AMN1: variants seen among roughly 807,000 people sequenced by gnomAD.
AMN1 encodes the protein protein AMN1 homolog.
Under a neutral mutation model 33.0 loss-of-function variants are expected in AMN1, and 20 were observed. That is an observed-to-expected ratio of 0.61 (90% CI 0.43 to 0.88). The LOEUF is 0.88. Ranked by LOEUF, AMN1 falls within the 40% of genes least tolerant of loss-of-function variation. The pLI is 0.00. For missense variants in AMN1, 246 were observed against 307.4 expected (o/e 0.80, Z 1.49); for synonymous variants, 114 against 111.9 (o/e 1.02, Z -0.12).
At chr12:31,672,556 A>G in intron 6 of AMN1, 179 bp from the exon 7 acceptor site, 4 of 549,176 alleles carry the variant, frequency 7.3e-6, no homozygotes, top group Non-Finnish European at 1.3e-5. Flanking sequence ...AGCCCTCACT[A>G]TTATTAGGTG....
At chr12:31,698,088 G>T in intron 3 of AMN1, 131 bp from the exon 4 acceptor site, 1 of 781,358 alleles carries the variant, frequency 1.3e-6, no homozygotes, top group Non-Finnish European at 2.0e-6. Context: ...CACCTGTGAG[G>T]AAATACTGAT....
rs1440124128 is a variant in AMN1, at chr12:31,681,516, AC to A, written c.703+7490del. Among the ~76,000 whole-genome samples, 6 of 152,288 alleles carry A rather than the reference AC, an allele frequency of 3.9e-5. No homozygotes were observed. The South Asian group carries it at 1.2e-3, about 32-fold the overall frequency. On this transcript the variant is annotated intron_variant, in intron 6 of 6. Transcript: ENST00000281471. ...AGTTCTGGGATTACAGGCGTGAGCC[AC>A]CATGCCCGGCCTCTTGCATTATTAT...
chr12:31,704,489 T>C (rs1939138151), intron 2 of AMN1, among the ~76,000 whole-genome samples: 1 of 137,974 alleles, frequency 7.2e-6, no homozygotes. Context: ...AGTTTTTGAC[T>C]TTGTTTCTTT....
chr12:31,722,856 T>A (rs1040973012), intron 1 of AMN1, among the ~76,000 whole-genome samples: 9 of 152,100 alleles, frequency 5.9e-5, no homozygotes, highest in Non-Finnish European at 2.9e-5. Context: ...AGCTGCTAGT[T>A]TTCAGAAATC....
chr12:31,713,865 A>T (rs550183923), intron 1 of AMN1, among the ~76,000 whole-genome samples: 17 of 151,922 alleles, frequency 1.1e-4, no homozygotes, highest in African/African-American at 3.4e-4. Context: ...GAAAAAAAAA[A>T]TTTTCTGATA....
intron 2 of AMN1, among the ~76,000 whole-genome samples, chr12:31,708,141 C>T (rs897091598): frequency 5.9e-5 from 9 of 152,080 alleles, no homozygotes; most frequent in Non-Finnish European, 8.8e-5. Context: ...TGACTGCCTG[C>T]GGGGTCAGGC....
intron 1 of AMN1, among the ~76,000 whole-genome samples, chr12:31,722,444 T>A (rs1362226258): frequency 6.6e-6 from 1 of 152,116 alleles, no homozygotes; most frequent in Admixed American, 6.6e-5. Context: ...AACGGACTTT[T>A]AAAAAATCCA....
chr12:31,705,018 C>T (rs1007416915), intron 2 of AMN1, among the ~76,000 whole-genome samples: 1 of 152,096 alleles, frequency 6.6e-6, no homozygotes, highest in African/African-American at 2.4e-5. Context: ...ACAATAAGAA[C>T]GTGGAGATAT....
chr12:31,715,612 T>C (rs1334690030), intron 1 of AMN1: 1 of 157,432 alleles, frequency 6.4e-6, no homozygotes, highest in African/African-American at 2.4e-5. Flanking sequence ...GTCTTTCTTC[T>C]GAAGCTTCTG....
intron 4 of AMN1, 91 bp from the exon 5 acceptor site, chr12:31,697,508 A>G: frequency 7.9e-7 from 1 of 1,266,136 alleles, no homozygotes; most frequent in Non-Finnish European, 1.1e-6. Context: ...ATATAGTCTT[A>G]ATGCCTCCCA....
intron 6 of AMN1, among the ~76,000 whole-genome samples, chr12:31,686,427 AGAGT>A (rs1938264761): frequency 6.6e-6 from 1 of 152,256 alleles, no homozygotes; most frequent in Non-Finnish European, 1.5e-5. Flanking sequence ...CCTGGGTGAC[AGAGT>A]GAGATTCTGC....
chr12:31,699,951 G>GT (rs1938917294), intron 3 of AMN1, among the ~76,000 whole-genome samples: 1 of 152,212 alleles, frequency 6.6e-6, no homozygotes, highest in South Asian at 2.1e-4. Flanking sequence ...CAGAAGTGTG[G>GT]TGTGAGTGTA....
intron 6 of AMN1, among the ~76,000 whole-genome samples, chr12:31,682,891 T>C (rs1938086737): frequency 6.6e-6 from 1 of 152,076 alleles, no homozygotes; most frequent in African/African-American, 2.4e-5. Context: ...TCCTGCCATT[T>C]CAATGTCTAC....
chr12:31,672,579 C>A, intron 6 of AMN1: 1 of 445,146 alleles, frequency 2.2e-6, no homozygotes, highest in Non-Finnish European at 4.0e-6. Flanking sequence ...GTGCACCTAT[C>A]ATGGTATTAC....
Position 31,684,750 on chromosome 12 carries a change from C to T in AMN1, c.703+4257G>A, listed in dbSNP as rs148246551. ...CCTCGCAAAGTGCTGGGATTACCGG[C>T]GTGAGCCACCGCGCCCGGCCTGGGA... On this transcript the variant is annotated intron_variant, in intron 6 of 6. Coordinates refer to ENST00000281471, the MANE Select transcript of AMN1 (RefSeq NM_001113402.2). Among the ~76,000 whole-genome samples, 935 of 152,162 alleles carry T rather than the reference C, an allele frequency of 6.1e-3. 31 individuals are homozygous for T. The East Asian group carries it at 0.099, about 16-fold the overall frequency.
intron 6 of AMN1, among the ~76,000 whole-genome samples, chr12:31,678,751 A>G (rs1160291309): frequency 6.6e-6 from 1 of 152,200 alleles, no homozygotes; most frequent in Non-Finnish European, 1.5e-5. Flanking sequence ...AAGGAAATGT[A>G]ATTTAGACAT....
At position 31,679,556 on chromosome 12, in the gene AMN1, A is replaced by T. The variant is rs547759074; in HGVS notation, c.704-7179T>A. Among the ~76,000 whole-genome samples, 297 of 152,124 alleles carry T rather than the reference A, an allele frequency of 2.0e-3. 3 individuals are homozygous for T. Among genetic ancestry groups the T allele is most frequent in the Non-Finnish European group, 3.6e-3 (244 of 67,994 alleles). On this transcript the variant is annotated intron_variant, in intron 6 of 6. Coordinates refer to ENST00000281471, the MANE Select transcript of AMN1 (RefSeq NM_001113402.2). ...AAAAAAAAGAACTTGCCTTTAAATC[A>T]GGTTAAAACAAATCCTCAGATAAGA...
At chr12:31,706,110 A>C (rs576398994) in intron 2 of AMN1, among the ~76,000 whole-genome samples, 1 of 152,202 alleles carries the variant, frequency 6.6e-6, no homozygotes, top group South Asian at 2.1e-4. Context: ...CAGGAGATCG[A>C]GACCATCCTG....
intron 6 of AMN1, among the ~76,000 whole-genome samples, chr12:31,680,637 A>C (rs895406730): frequency 4.6e-5 from 7 of 152,240 alleles, no homozygotes; most frequent in Admixed American, 2.6e-4. Flanking sequence ...AAGGTTAAGA[A>C]ATTTTATAAA....
Sources: allele counts gnomAD v4.1 joint callset (sites outside exome capture counted in the v4.1 genomes callset), GRCh38; gene constraint gnomAD v4.1.1; transcripts MANE v1.5; gene names NCBI Gene and HGNC (gene_info 2026-07-23, HGNC 2026-07-21).